LILRB3: variants seen among roughly 807,000 people sequenced by gnomAD.
LILRB3 encodes leukocyte immunoglobulin like receptor B3, also known as leukocyte immunoglobulin-like receptor subfamily B member 3.
A neutral mutation model predicts 68.2 loss-of-function variants in LILRB3; 32 were observed. The observed-to-expected ratio is 0.47, with a 90% CI of 0.35 to 0.63. The LOEUF (loss-of-function observed/expected upper bound fraction) is 0.63. LILRB3 is among the 30% of genes least tolerant of loss of function. LILRB3 has a pLI of 0.00. For synonymous variants in LILRB3, 185 were observed against 323.1 expected, an observed-to-expected ratio of 0.57 and a Z score of 4.58; for missense variants, 502 against 791.3, an observed-to-expected ratio of 0.63 and a Z score of 4.39.
chr19:54,220,802 T>G (rs1391769230), exon 6 of LILRB3: 363 of 1,482,990 alleles, frequency 2.4e-4, no homozygotes, highest in Non-Finnish European at 3.2e-4. Flanking sequence ...CCGGCTGTGC[T>G]GACAGGGAGA....
rs2077741812 is a variant in LILRB3 at position 54,218,701 on chromosome 19, G to A, written c.1503-19C>T. ...GCTGGACCTGGAGGAGGACATGGGA[G>A]TGTGAGGGGCAGTGTATGGGCTGTG... is the stretch of plus-strand genomic sequence containing the variant. On this transcript the variant is annotated intron_variant, in intron 9 of 12. Coordinates refer to ENST00000445347, the Ensembl canonical transcript of LILRB3. The A allele has an allele frequency of 1.2e-6, 2 of 1,614,184 alleles. No homozygotes were observed. The highest frequency in any genetic ancestry group is 1.1e-5 in the South Asian group (1 of 91,084).
intron 7 of LILRB3, chr19:54,219,787 C>T: frequency 6.6e-7 from 1 of 1,509,900 alleles, no homozygotes; most frequent in Non-Finnish European, 9.0e-7. Flanking sequence ...TCACCACCTC[C>T]AGAGGAGCCT....
At chr19:54,222,700 T>C (rs2078322159) in intron 2 of LILRB3, 47 bp downstream of exon 2, 2 of 1,612,536 alleles carry the variant, frequency 1.2e-6, no homozygotes, top group Admixed American at 1.7e-5. Context: ...GGTGGCCCCC[T>C]GTCCCAGTGA....
In LILRB3 at chr19:54,219,114, C is replaced by G; in HGVS notation, c.1426+15G>C. ...ACCCTCGGTCGACCCATGGGTCCCC[C>G]GCTTCCCTACTCACCAGATGTCCTG... is the stretch of plus-strand genomic sequence containing the variant. On this transcript the variant is annotated intron_variant, in intron 8 of 12. Transcript: ENST00000445347. 1.3e-6 allele frequency: 2 copies of G among 1,577,348 alleles called. No individual in the cohort carries two copies. The highest frequency in any genetic ancestry group is 1.7e-6 in the Non-Finnish European group (2 of 1,163,312).
chr19:54,218,961 A>C, intron 8 of LILRB3, 123 bp from the exon 9 acceptor site: 2 of 1,538,266 alleles, frequency 1.3e-6, no homozygotes, highest in Non-Finnish European at 1.8e-6. Flanking sequence ...ATATTTTATG[A>C]GATAGAAAAA....
At position 54,219,838 on chromosome 19, in the gene LILRB3, G is replaced by A. The variant is rs567263552; in HGVS notation, c.1309+317C>T. 1,161 of 1,492,154 alleles carry A rather than the reference G, an allele frequency of 7.8e-4. 3 individuals carry two copies. The highest frequency in any genetic ancestry group is 9.2e-4 in the Non-Finnish European group (1,003 of 1,094,430). The allele number at this position is 1,492,154 out of a possible 1,614,324, so 92.4% of individuals were successfully genotyped here. A position where few individuals can be genotyped will look rare whatever the true frequency, so the allele number is the denominator to read the frequency against. On this transcript the variant is annotated intron_variant, in intron 7 of 12. Transcript: ENST00000445347. ...CCCACCCCTGCCTCCCCTGGACCCC[G>A]CCCATCTCCCACTCAGAGCCCCTCA...
rs1405992197 is a variant in LILRB3 at position 54,216,486 on chromosome 19, A to G, written c.*607T>C. 4 of 337,118 alleles carry G rather than the reference A, an allele frequency of 1.2e-5. No homozygotes were observed. In the East Asian group the frequency reaches 6.9e-4, roughly 58 times the overall value. The allele number at this position is 337,118 out of a possible 1,614,324, so 20.9% of individuals were successfully genotyped here. ...CACCACGCCCGGCTAATTTTTTTGTATTTTTAGTAGAGACGGGGTTTCACC... is the reference window on the plus strand; with the variant it reads ...CACCACGCCCGGCTAATTTTTTTGTGTTTTTAGTAGAGACGGGGTTTCACC... On this transcript the variant is annotated 3_prime_UTR_variant, in exon 13 of 13. Coordinates refer to ENST00000445347, the Ensembl canonical transcript of LILRB3.
intron 7 of LILRB3, 185 bp from the exon 8 acceptor site, chr19:54,219,430 TGCCCCAGGCCTCCA>T (rs2077849020): frequency 6.6e-7 from 1 of 1,513,336 alleles, no homozygotes; most frequent in East Asian, 2.5e-5. Context: ...GGGAGTCGCC[TGCCCCAGGCCTCCA>T]GCGAGGAAGC....
intron 7 of LILRB3, chr19:54,219,817 C>G: frequency 6.6e-7 from 1 of 1,526,660 alleles, no homozygotes; most frequent in Non-Finnish European, 8.9e-7. Flanking sequence ...ACAGAACCCA[C>G]CCCTGCCTCC....
exon 10 of LILRB3, chr19:54,218,677 C>T (rs1211577635): frequency 1.2e-6 from 2 of 1,614,184 alleles, no homozygotes; most frequent in Non-Finnish European, 1.7e-6. Flanking sequence ...AGCAGCTGGG[C>T]TGGACCTGGA....
At position 54,218,420 on chromosome 19, in the gene LILRB3, G is replaced by A; in HGVS notation, c.1541-7C>T. The A allele has an allele frequency of 1.2e-6, 2 of 1,614,080 alleles. No individual in the cohort carries two copies. The highest frequency in any genetic ancestry group is 1.7e-6 in the Non-Finnish European group (2 of 1,179,968). The stretch of plus-strand genomic sequence containing the variant: ...GTGTCCTTCACAGCAGCATCTGCTG[G>A]GGCAGAGCAAGGGGTTCGTCTCCTG... On this transcript the variant is annotated splice_region_variant and splice_polypyrimidine_tract_variant and intron_variant, in intron 10 of 12. Coordinates refer to ENST00000445347, the Ensembl canonical transcript of LILRB3.
At chr19:54,222,859 A>T in intron 1 of LILRB3, 77 bp from the exon 2 acceptor site, 2 of 1,612,572 alleles carry the variant, frequency 1.2e-6, no homozygotes, top group Non-Finnish European at 1.7e-6. Context: ...TGAGCTTTTG[A>T]GGTCTCCTGA....
At chr19:54,221,675 A>T in intron 4 of LILRB3, 153 bp downstream of exon 4, 1 of 1,589,888 alleles carries the variant, frequency 6.3e-7, no homozygotes, top group Non-Finnish European at 8.5e-7. Context: ...TCCTCCTCCC[A>T]TGTCAGAGCC....
At position 54,219,060 on chromosome 19, in the gene LILRB3, G is replaced by C. The variant is rs1324958924; in HGVS notation, c.1426+69C>G. 6 of 1,539,520 alleles carry C rather than the reference G, an allele frequency of 3.9e-6. No homozygotes were observed. The Admixed American group carries it at 6.3e-5, about 16-fold the overall frequency. ...TCTAAACTGACACCCCTGTGTGTTT[G>C]GGTTCCCTCTGGCTGGTGCCCTGAG... On this transcript the variant is annotated intron_variant, in intron 8 of 12. Transcript: ENST00000445347.
At chr19:54,219,714 A>G (rs62133094) in intron 7 of LILRB3, 14 of 980,816 alleles carry the variant, frequency 1.4e-5, no homozygotes, top group African/African-American at 3.5e-5. Flanking sequence ...TTTCCCACCC[A>G]CAGGCCTCTC....
At chr19:54,221,768 A>T in intron 4 of LILRB3, 60 bp downstream of exon 4, 10 of 1,598,124 alleles carry the variant, frequency 6.3e-6, no homozygotes, top group South Asian at 1.1e-5. Context: ...CACCAGCCAA[A>T]CTCCCCACAA....
rs778907607 is a variant in LILRB3, at chr19:54,217,489, C to G, written c.1594-15G>C. 4.4e-6 allele frequency: 7 copies of G among 1,603,316 alleles called. No homozygotes were observed. Among genetic ancestry groups the G allele is most frequent in the Admixed American group, 1.7e-5 (1 of 59,556 alleles). ...TCGTGTGGGCTCTGCTGGAGAGAGA[C>G]AGTGGTGGGGGGTGTCCTTGAGTCC... On this transcript the variant is annotated splice_polypyrimidine_tract_variant and intron_variant, in intron 11 of 12. Coordinates refer to ENST00000445347, the Ensembl canonical transcript of LILRB3.
At chr19:54,219,637 C>G (rs1323811727) in intron 7 of LILRB3, 1 of 1,495,316 alleles carries the variant, frequency 6.7e-7, no homozygotes, top group Non-Finnish European at 8.9e-7. Flanking sequence ...GGAATCGGGT[C>G]TGGGAGGTTC....
intron 8 of LILRB3, 120 bp from the exon 9 acceptor site, chr19:54,218,958 A>T (rs1162707282): frequency 6.5e-6 from 10 of 1,540,730 alleles, no homozygotes; most frequent in Non-Finnish European, 8.8e-6. Context: ...CAAATATTTT[A>T]TGAGATAGAA....
Sources: allele counts gnomAD v4.1 joint callset, GRCh38; gene constraint gnomAD v4.1.1; transcripts MANE v1.5; gene names NCBI Gene and HGNC (gene_info 2026-07-23, HGNC 2026-07-21).